FRMD4B: variants seen among roughly 807,000 people sequenced by gnomAD.
The protein encoded by FRMD4B is FERM domain-containing protein 4B.
FRMD4B carries 74 observed loss-of-function variants against 141.5 expected under a neutral mutation model. The ratio of observed to expected loss-of-function variants is 0.52; its 90% CI spans 0.43 to 0.63. The LOEUF (loss-of-function observed/expected upper bound fraction) is 0.63, where lower values mean the gene tolerates loss of function less well. Ranked by LOEUF, FRMD4B falls within the 30% of genes least tolerant of loss-of-function variation. FRMD4B has a pLI of 0.00. For synonymous variants in FRMD4B, 506 were observed against 467.9 expected (o/e 1.08, Z -1.05); for missense variants, 1,366 against 1,253.4 (o/e 1.09, Z -1.36).
chr3:69,480,648 G>C (rs528177526), intron 1 of FRMD4B, among the ~76,000 whole-genome samples: 105 of 152,300 alleles, frequency 6.9e-4, no homozygotes, highest in Middle Eastern at 3.4e-3. Flanking sequence ...AGGCTGCTCA[G>C]GGGTCAGGGG....
At chr3:69,279,495 T>G (rs541149317) in intron 5 of FRMD4B, among the ~76,000 whole-genome samples, 3 of 152,226 alleles carry the variant, frequency 2.0e-5, no homozygotes, top group Non-Finnish European at 4.4e-5. Context: ...GGTCTTGCTC[T>G]GTTGTCCAGG....
upstream of FRMD4B, among the ~76,000 whole-genome samples, chr3:69,390,565 T>C (rs1157019237): frequency 6.6e-6 from 1 of 152,144 alleles, no homozygotes; most frequent in Non-Finnish European, 1.5e-5. Flanking sequence ...AAAATGTCCC[T>C]GGTGCAGAGG....
At chr3:69,324,733 G>T (rs931656652) in intron 1 of FRMD4B, among the ~76,000 whole-genome samples, 5 of 152,172 alleles carry the variant, frequency 3.3e-5, no homozygotes, top group African/African-American at 1.2e-4. Flanking sequence ...AACTGGCAAT[G>T]GAATTGAGTT....
chr3:69,198,403 A>G (rs187438902), intron 12 of FRMD4B: 9 of 328,170 alleles, frequency 2.7e-5, no homozygotes, highest in Non-Finnish European at 5.0e-5. Flanking sequence ...CTAGGATGGC[A>G]TAAACTATAC....
chr3:69,266,611 C>A (rs1221585359), intron 5 of FRMD4B, among the ~76,000 whole-genome samples: 2 of 152,200 alleles, frequency 1.3e-5, no homozygotes, highest in East Asian at 3.9e-4. Context: ...CAGGCATGAG[C>A]CACCGTGACT....
intron 8 of FRMD4B, among the ~76,000 whole-genome samples, chr3:69,222,619 A>G (rs541266936): frequency 6.6e-6 from 1 of 152,156 alleles, no homozygotes; most frequent in East Asian, 1.9e-4. Flanking sequence ...TAAAAATACA[A>G]AATTAGCTGG....
At chr3:69,528,014 T>C (rs2107147215) in intron 1 of FRMD4B, among the ~76,000 whole-genome samples, 1 of 152,302 alleles carries the variant, frequency 6.6e-6, no homozygotes, top group South Asian at 2.1e-4. Context: ...GCAATTTGCA[T>C]AAAATCTTCC....
intron 3 of FRMD4B, 59 bp from the exon 4 acceptor site, chr3:69,302,494 TAC>T (rs1165740121): frequency 2.9e-6 from 3 of 1,027,860 alleles, no homozygotes; most frequent in African/African-American, 3.1e-5. Flanking sequence ...TTCAACAACG[TAC>T]AGTGTTGGCA....
chr3:69,340,123 T>C (rs1433429774), intron 1 of FRMD4B, among the ~76,000 whole-genome samples: 1 of 151,890 alleles, frequency 6.6e-6, no homozygotes, highest in Admixed American at 6.6e-5. Flanking sequence ...CCAACTCATC[T>C]CTAAAAACAT....
At chr3:69,480,432 A>G (rs1214008529) in intron 1 of FRMD4B, among the ~76,000 whole-genome samples, 1 of 152,034 alleles carries the variant, frequency 6.6e-6, no homozygotes, top group Non-Finnish European at 1.5e-5. Flanking sequence ...AACAGACAGG[A>G]CCCTCAGCTG....
intron 4 of FRMD4B, among the ~76,000 whole-genome samples, chr3:69,292,048 G>A (rs1438066156): frequency 1.3e-5 from 2 of 151,546 alleles, no homozygotes; most frequent in East Asian, 3.9e-4. Flanking sequence ...CAGCTAGCAA[G>A]TAGTGGAGCC....
intron 1 of FRMD4B, among the ~76,000 whole-genome samples, chr3:69,461,019 C>T (rs959521328): frequency 5.9e-5 from 9 of 152,152 alleles, no homozygotes; most frequent in African/African-American, 1.2e-4. Context: ...TGGATATTAG[C>T]ATTCTACATC....
chr3:69,445,231 C>T (rs1705395112), intron 1 of FRMD4B, among the ~76,000 whole-genome samples: 1 of 152,178 alleles, frequency 6.6e-6, no homozygotes, highest in South Asian at 2.1e-4. Context: ...TTCCAGCACC[C>T]ACTTATTAGC....
In FRMD4B at chr3:69,184,240, A is replaced by C. The variant is rs77203088; in HGVS notation, c.1920-1523T>G. ...GATACCTTTTACATAGTCAGGCAAC[A>C]TTAAATGTTTTCAGATTATTTTTCC... On this transcript the variant is annotated intron_variant, in intron 19 of 22. Coordinates refer to ENST00000398540, the MANE Select transcript of FRMD4B (RefSeq NM_015123.3). Among the ~76,000 whole-genome samples, 1,435 of 152,300 alleles carry C rather than the reference A, an allele frequency of 9.4e-3. 12 individuals carry two copies. The highest frequency in any genetic ancestry group is 0.015 in the Non-Finnish European group (1,052 of 68,024).
At chr3:69,282,402 TACCA>T (rs1575689145) in intron 5 of FRMD4B, among the ~76,000 whole-genome samples, 1 of 152,184 alleles carries the variant, frequency 6.6e-6, no homozygotes, top group African/African-American at 2.4e-5. Flanking sequence ...TAACAGCAGC[TACCA>T]ACCATCAGTG....
Position 69,463,329 on chromosome 3 carries a change from C to A in FRMD4B, c.-128-30568G>T, listed in dbSNP as rs143423904. 8.3e-4 allele frequency among the ~76,000 whole-genome samples: 126 copies of A among 152,302 alleles called. 1 individual carries two copies. Among genetic ancestry groups the A allele is most frequent in the African/African-American group, 2.9e-3 (122 of 41,580 alleles). On this transcript the variant is annotated intron_variant, in intron 1 of 5. Coordinates refer to the FRMD4B transcript ENST00000459638. ...CCTGGGGGATCTGTTTTCCAGGGAA[C>A]CTGGGTGAGGACTTACCTCTAACTT...
At chr3:69,469,204 C>T (rs1175247174) in intron 1 of FRMD4B, among the ~76,000 whole-genome samples, 1 of 152,036 alleles carries the variant, frequency 6.6e-6, no homozygotes, top group Non-Finnish European at 1.5e-5. Flanking sequence ...TCTATTACTA[C>T]AAGGAAAAGG....
intron 21 of FRMD4B, 116 bp from the exon 22 acceptor site, chr3:69,176,772 T>G (rs569291458): frequency 1.5e-6 from 1 of 667,940 alleles, no homozygotes; most frequent in East Asian, 2.7e-5. Context: ...TTTAAGAGGG[T>G]TTGAAATAAC....
chr3:69,535,859 C>T lies in FRMD4B; in HGVS notation c.-129+6347G>A, dbSNP rs541469794. 5 of 456,528 alleles carry T rather than the reference C, an allele frequency of 1.1e-5. 1 individual carries two copies. Among genetic ancestry groups the T allele is most frequent in the African/African-American group, 4.0e-5 (2 of 49,384 alleles). 28.3% of individuals were successfully genotyped at this position (456,528 alleles called of 1,614,324 possible). A position where few individuals can be genotyped will look rare whatever the true frequency, so the allele number is the denominator to read the frequency against. On this transcript the variant is annotated intron_variant, in intron 1 of 5. Transcript: ENST00000459638. Reference sequence around the variant, plus strand: ...CCTTTAGGAGCCTTGGTCTTGGCTACCACCTTCTGGTCGAGGAAGCAATGC... The same window carrying T: ...CCTTTAGGAGCCTTGGTCTTGGCTATCACCTTCTGGTCGAGGAAGCAATGC...
Sources: allele counts gnomAD v4.1 joint callset (sites outside exome capture counted in the v4.1 genomes callset), GRCh38; gene constraint gnomAD v4.1.1; transcripts MANE v1.5; gene names NCBI Gene and HGNC (gene_info 2026-07-23, HGNC 2026-07-21).